The following PGK1 variants were observed in gnomAD, a reference collection of about 807,000 sequenced individuals.
PGK1 encodes phosphoglycerate kinase 1.
Under a neutral mutation model 26.9 loss-of-function variants are expected in PGK1, and 3 were observed. The ratio of observed to expected loss-of-function variants is 0.11; its 90% confidence interval spans 0.05 to 0.29. The LOEUF is 0.29. Ranked by LOEUF, PGK1 falls within the 10% of genes least tolerant of loss-of-function variation. The probability of loss-of-function intolerance (pLI) is 1.00; values close to 1 mark genes in which losing one functional copy is unlikely to be tolerated. For synonymous variants in PGK1, 125 were observed against 115.3 expected (o/e 1.08, Z -0.54); for missense variants, 270 against 314.7 (o/e 0.86, Z 1.07).
At position 78,124,993 on chromosome X, in the gene PGK1, C is replaced by G; in HGVS notation, c.1056C>G (p.Thr352=). The G allele has an allele frequency of 3.3e-6, 4 of 1,209,889 alleles. No individual in the cohort carries two copies. Among genetic ancestry groups the G allele is most frequent in the Non-Finnish European group, 3.4e-6 (3 of 894,153 alleles). The change falls in exon 9 of 11, where the codon ACC becomes ACG. Residue 352 remains threonine (T), a synonymous_variant. Coordinates refer to ENST00000373316, the MANE Select transcript of PGK1 (RefSeq NM_000291.4). ...AATGGGAAGCTTTTGCCCGGGGAAC[C>G]AAAGCTCTCATGGATGAGGTGGTGA... ...VFEWEAFARG[T]KALMDEVVKA...
rs782378406 is a variant in PGK1, at chrX:78,113,838, C to G, written c.211C>G (p.Pro71Ala). The change falls in exon 3 of 11, where the codon CCC becomes GCC. Residue 71 changes from proline to alanine, a missense_variant. Pro to Ala is a conservative substitution (Grantham distance 27, BLOSUM62 -1). Coordinates refer to ENST00000373316, the MANE Select transcript of PGK1 (RefSeq NM_000291.4). Reference sequence around the variant, plus strand: ...CCACCTAGGCCGGCCTGATGGTGTGCCCATGCCTGACAAGTACTCCTTAGA... The same window carrying G: ...CCACCTAGGCCGGCCTGATGGTGTGGCCATGCCTGACAAGTACTCCTTAGA... Reference protein sequence around the residue: ...MSHLGRPDGVPMPDKYSLEPV... With the variant: ...MSHLGRPDGVAMPDKYSLEPV... 19 of 1,210,117 alleles carry G rather than the reference C, an allele frequency of 1.6e-5. No homozygotes were observed. The highest frequency in any genetic ancestry group is 2.1e-5 in the Non-Finnish European group (19 of 893,972).
At chrX:78,106,230 G>T in intron 1 of PGK1, 1 of 133,662 alleles carries the variant, frequency 7.5e-6, no homozygotes, top group Non-Finnish European at 1.4e-5. Flanking sequence ...AAAATGACCT[G>T]TTCAGGGTTA....
At chrX:78,114,292 T>C in intron 4 of PGK1, 132 bp downstream of exon 4, 1 of 654,504 alleles carries the variant, frequency 1.5e-6, no homozygotes, top group East Asian at 3.2e-5. Context: ...CCGACACAGC[T>C]TGATGGGTTA....
intron 9 of PGK1, 50 bp from the exon 10 acceptor site, chrX:78,125,276 CT>C: frequency 1.4e-5 from 14 of 1,014,004 alleles, no homozygotes; most frequent in South Asian, 1.9e-5. Context: ...GTGCCAATCC[CT>C]TTTTTTTCTT....
At chrX:78,123,729 C>G (rs1327350531) in intron 8 of PGK1, among the ~76,000 whole-genome samples, 2 of 109,420 alleles carry the variant, frequency 1.8e-5, no homozygotes, top group Non-Finnish European at 3.8e-5. Context: ...CTGCCTAACC[C>G]TCCCCAGTAG....
chrX:78,123,325 C>T lies in PGK1; in HGVS notation c.887C>T (p.Ala296Val), dbSNP rs200543437. The change falls in exon 8 of 11, where the codon GCC (alanine) becomes GTC (valine). Residue 296 changes from alanine (A) to valine (V), a missense_variant. Transcript: ENST00000373316. ...ACTGCTGACAAGTTTGATGAGAATG[C>T]CAAGACTGGCCAAGCCACTGTGGCT... ...FVTADKFDEN[A>V]KTGQATVASG... 3 of 1,208,491 alleles carry T rather than the reference C, an allele frequency of 2.5e-6. No individual in the cohort carries two copies. The highest frequency in any genetic ancestry group is 3.4e-6 in the Non-Finnish European group (3 of 893,184).
At chrX:78,117,533 C>G in intron 5 of PGK1, 118 bp downstream of exon 5, 1 of 531,752 alleles carries the variant, frequency 1.9e-6, no homozygotes, top group Non-Finnish European at 3.3e-6. Flanking sequence ...TTCAGCTTCT[C>G]TAATTGGAAC....
At position 78,125,859 on chromosome X, in the gene PGK1, C is replaced by T. The variant is rs944606786; in HGVS notation, c.*29C>T. 3.0e-5 allele frequency: 34 copies of T among 1,124,603 alleles called. No homozygotes were observed. In the Admixed American group the frequency reaches 7.4e-4, roughly 25 times the overall value. The allele number at this position is 1,124,603 out of a possible 1,213,427, so 92.7% of individuals were successfully genotyped here. ...TTTCCTGCCTTTTAGTTCCTGTGCA[C>T]AGCCCCTAAGTCAACTTAGCATTTT... On this transcript the variant is annotated 3_prime_UTR_variant, in exon 11 of 11. Coordinates refer to ENST00000373316, the MANE Select transcript of PGK1 (RefSeq NM_000291.4).
chrX:78,121,568 C>G (rs782268969), intron 6 of PGK1, among the ~76,000 whole-genome samples: 84 of 112,458 alleles, frequency 7.5e-4, no homozygotes, highest in Non-Finnish European at 1.4e-3. Context: ...GGGTTTCTCA[C>G]TGGATAGGCA....
intron 6 of PGK1, among the ~76,000 whole-genome samples, chrX:78,119,692 C>G (rs1456809796): frequency 1.8e-5 from 2 of 111,638 alleles, no homozygotes; most frequent in Non-Finnish European, 3.8e-5. Context: ...TTTGGCAGTT[C>G]CACCCTCGCT....
rs1370522410 is a variant in PGK1, at chrX:78,127,835, C to T, written c.*2005C>T. The T allele has an allele frequency of 8.9e-6, 1 of 112,238 alleles. No homozygotes were observed. Among genetic ancestry groups the T allele is most frequent in the Non-Finnish European group, 1.9e-5 (1 of 53,206 alleles). The allele number at this position is 112,238 out of a possible 1,213,427, so 9.2% of individuals were successfully genotyped here. Reference sequence around the variant, plus strand: ...TTAAATTGTACCATGTTTCTGCATACCTCTATGGGTACTCAGGAATTCTAG... The same window carrying T: ...TTAAATTGTACCATGTTTCTGCATATCTCTATGGGTACTCAGGAATTCTAG... On this transcript the variant is annotated 3_prime_UTR_variant, in exon 11 of 11. Transcript: ENST00000373316.
chrX:78,125,446 G>A (rs1557248570), intron 10 of PGK1, 21 bp downstream of exon 10: 6 of 1,054,302 alleles, frequency 5.7e-6, no homozygotes, highest in Admixed American at 2.2e-5. Context: ...TCTGTTTTTT[G>A]GCTTGTTTGG....
At chrX:78,116,330 T>A (rs1249260579) in intron 4 of PGK1, among the ~76,000 whole-genome samples, 1 of 112,144 alleles carries the variant, frequency 8.9e-6, no homozygotes, top group Admixed American at 9.4e-5. Context: ...CATCTTCCAA[T>A]CACTAGTGGC....
intron 1 of PGK1, among the ~76,000 whole-genome samples, chrX:78,108,272 C>T (rs1290924038): frequency 8.9e-6 from 1 of 112,084 alleles, no homozygotes; most frequent in African/African-American, 3.2e-5. Context: ...GTGGCTTGTG[C>T]CCATCCTTTT....
rs782341250 is a variant in PGK1, at chrX:78,109,937, T to G, written c.116+20T>G. 2 of 1,084,691 alleles carry G rather than the reference T, an allele frequency of 1.8e-6. No homozygotes were observed. Among genetic ancestry groups the G allele is most frequent in the Non-Finnish European group, 2.6e-6 (2 of 781,058 alleles). 89.4% of individuals were successfully genotyped at this position (1,084,691 alleles called of 1,213,427 possible). Reference sequence around the variant, plus strand: ...CCAGAGGTAAGGTCCCTGCTAATCCTTGGGCTGGGTTTAAGATGTGTGTAG... The same window carrying G: ...CCAGAGGTAAGGTCCCTGCTAATCCGTGGGCTGGGTTTAAGATGTGTGTAG... On this transcript the variant is annotated intron_variant, in intron 2 of 10. Transcript: ENST00000373316.
chrX:78,123,130 C>G, intron 7 of PGK1, 65 bp from the exon 8 acceptor site: 1 of 897,669 alleles, frequency 1.1e-6, no homozygotes, highest in Non-Finnish European at 1.6e-6. Flanking sequence ...TTCCTGTCTG[C>G]TTTGTGAGGC....
rs781911123 is a variant in PGK1, at chrX:78,113,877, G to A, written c.250G>A (p.Glu84Lys). ...GTACTCCTTAGAGCCAGTTGCTGTA[G>A]AACTCAAATCTCTGCTGGGCAAGTA... is the stretch of plus-strand genomic sequence containing the variant. ...DKYSLEPVAV[E>K]LKSLLGKDVL... The change falls in exon 3 of 11, where the codon GAA becomes AAA. Residue 84 changes from glutamate to lysine, a missense_variant. Transcript: ENST00000373316. 3 of 1,211,780 alleles carry A rather than the reference G, an allele frequency of 2.5e-6. No homozygotes were observed. The highest frequency in any genetic ancestry group is 2.2e-6 in the Non-Finnish European group (2 of 895,322).
intron 4 of PGK1, 80 bp downstream of exon 4, chrX:78,114,240 C>A: frequency 9.9e-7 from 1 of 1,005,902 alleles, no homozygotes; most frequent in Non-Finnish European, 1.4e-6. Flanking sequence ...AGAGAAAGCT[C>A]ATTTATTTTA....
Position 78,110,286 on chromosome X carries a change from G to A in PGK1, c.116+369G>A, listed in dbSNP as rs782070517. 3.7e-5 allele frequency among the ~76,000 whole-genome samples: 4 copies of A among 109,253 alleles called. No homozygotes were observed. The South Asian group carries it at 1.2e-3, about 34-fold the overall frequency. The allele number at this position is 109,253 out of a possible 115,157, so 94.9% of individuals were successfully genotyped here. On this transcript the variant is annotated intron_variant, in intron 2 of 10. Transcript: ENST00000373316. ...TCTGGCCTCAGCTTCCCGAGGAGCTGGAACAACAGGTGCACACCACTACAC... is the reference window on the plus strand; with the variant it reads ...TCTGGCCTCAGCTTCCCGAGGAGCTAGAACAACAGGTGCACACCACTACAC...
Sources: gnomAD v4.1 joint callset for allele counts (sites outside exome capture counted in the v4.1 genomes callset) on GRCh38, gnomAD v4.1.1 for gene constraint, MANE v1.5 for transcripts, NCBI Gene and HGNC (gene_info 2026-07-23, HGNC 2026-07-21) for gene names.